The following GALNTL6 variants were observed in gnomAD, a reference collection of about 807,000 sequenced individuals.
GALNTL6 encodes polypeptide N-acetylgalactosaminyltransferase-like 6.
GALNTL6 carries 46 observed loss-of-function variants against 73.7 expected under a neutral mutation model. That is an observed-to-expected ratio of 0.62 (90% CI 0.49 to 0.80). The LOEUF (loss-of-function observed/expected upper bound fraction) is 0.80, where lower values mean the gene tolerates loss of function less well. Ranked by LOEUF, GALNTL6 falls within the 30% of genes least tolerant of loss-of-function variation. GALNTL6 has a pLI of 0.00. For synonymous variants in GALNTL6, 259 were observed against 263.7 expected, an observed-to-expected ratio of 0.98 and a Z score of 0.17; for missense variants, 604 against 755.0, an observed-to-expected ratio of 0.80 and a Z score of 2.34.
chr4:172,019,532 C>G (rs1741331160), intron 2 of GALNTL6, among the ~76,000 whole-genome samples: 1 of 151,974 alleles, frequency 6.6e-6, no homozygotes, highest in Admixed American at 6.6e-5. Flanking sequence ...TTATATGAGA[C>G]AAAATATATT....
At chr4:171,982,555 C>T (rs911795980) in intron 2 of GALNTL6, among the ~76,000 whole-genome samples, 7 of 152,126 alleles carry the variant, frequency 4.6e-5, no homozygotes, top group Non-Finnish European at 8.8e-5. Context: ...GCCTCAGCCT[C>T]CCAAAGTGCT....
chr4:172,543,975 G>C (rs957212343), intron 5 of GALNTL6, among the ~76,000 whole-genome samples: 2 of 152,108 alleles, frequency 1.3e-5, no homozygotes, highest in Non-Finnish European at 2.9e-5. Context: ...CCTTCCCTTT[G>C]ATATCATTTG....
intron 4 of GALNTL6, among the ~76,000 whole-genome samples, chr4:172,342,313 C>T (rs1561035766): frequency 6.6e-6 from 1 of 152,048 alleles, no homozygotes; most frequent in Non-Finnish European, 1.5e-5. Context: ...GATAGAATGA[C>T]ATTTCCAAAA....
At chr4:172,377,013 A>G (rs961849215) in intron 5 of GALNTL6, among the ~76,000 whole-genome samples, 1 of 152,142 alleles carries the variant, frequency 6.6e-6, no homozygotes, top group African/African-American at 2.4e-5. Context: ...AGCAGCAGCA[A>G]GATTTATTGT....
chr4:171,991,788 A>G lies in GALNTL6; in HGVS notation c.138+177070A>G, dbSNP rs1217236692. On this transcript the variant is annotated intron_variant, in intron 2 of 12. Transcript: ENST00000506823. ...TATATACATATATATATGATTATGT[A>G]TATTACATATTTGAGCAAAATTTGC... Among the ~76,000 whole-genome samples, 5 of 148,804 alleles carry G rather than the reference A, an allele frequency of 3.4e-5. No homozygotes were observed. In the East Asian group the frequency reaches 5.8e-4, roughly 17 times the overall value.
chr4:172,462,973 T>A (rs1467991041), intron 5 of GALNTL6, among the ~76,000 whole-genome samples: 1 of 152,176 alleles, frequency 6.6e-6, no homozygotes, highest in Non-Finnish European at 1.5e-5. Flanking sequence ...CTGTGTCATA[T>A]CCACAAAATA....
At chr4:172,770,931 G>A (rs142147426) in intron 5 of GALNTL6, among the ~76,000 whole-genome samples, 36 of 152,238 alleles carry the variant, frequency 2.4e-4, no homozygotes, top group Admixed American at 2.2e-3. Flanking sequence ...AGCTAAAAAG[G>A]CTTTAAATGA....
intron 2 of GALNTL6, among the ~76,000 whole-genome samples, chr4:171,988,700 C>T (rs1055302931): frequency 6.6e-6 from 1 of 152,126 alleles, no homozygotes; most frequent in African/African-American, 2.4e-5. Flanking sequence ...AGTGTATAGG[C>T]TTTAAAAGGC....
At chr4:172,368,793 C>T (rs140069322) in intron 5 of GALNTL6, among the ~76,000 whole-genome samples, 102 of 152,316 alleles carry the variant, frequency 6.7e-4, no homozygotes, top group African/African-American at 2.4e-3. Context: ...CGGACCCTTG[C>T]GGTGAGTGTT....
At chr4:172,303,192 G>A (rs1269018623) in intron 3 of GALNTL6, among the ~76,000 whole-genome samples, 2 of 152,030 alleles carry the variant, frequency 1.3e-5, no homozygotes, top group African/African-American at 4.8e-5. Context: ...TAGAGATGGG[G>A]TTTCACCATC....
At chr4:172,206,974 C>T (rs953106601) in intron 2 of GALNTL6, among the ~76,000 whole-genome samples, 5 of 151,402 alleles carry the variant, frequency 3.3e-5, no homozygotes, top group South Asian at 4.2e-4. Context: ...CCCACCACCA[C>T]GCCCGGCTAG....
chr4:172,313,276 C>T (rs749000482), intron 4 of GALNTL6, among the ~76,000 whole-genome samples: 22 of 151,958 alleles, frequency 1.4e-4, no homozygotes, highest in Non-Finnish European at 2.8e-4. Flanking sequence ...CAGGCGCCTG[C>T]CACCATGCCG....
chr4:171,877,443 G>A (rs1736310505), intron 2 of GALNTL6, among the ~76,000 whole-genome samples: 1 of 152,184 alleles, frequency 6.6e-6, no homozygotes, highest in South Asian at 2.1e-4. Context: ...TTCAGAGGGT[G>A]TCAAGCATGA....
At position 172,577,060 on chromosome 4, in the gene GALNTL6, G is replaced by T. The variant is rs551129339; in HGVS notation, c.553+228371G>T. Reference sequence around the variant, plus strand: ...GTGGCTGGAAAGAAGGACAGAACCAGAGAGCCCATGACCATAGGGAGCCTT... The same window carrying T: ...GTGGCTGGAAAGAAGGACAGAACCATAGAGCCCATGACCATAGGGAGCCTT... On this transcript the variant is annotated intron_variant, in intron 5 of 12. Transcript: ENST00000506823. Among the ~76,000 whole-genome samples, 5 of 152,296 alleles carry T rather than the reference G, an allele frequency of 3.3e-5. No individual in the cohort carries two copies. The East Asian group carries it at 9.7e-4, about 30-fold the overall frequency.
chr4:172,133,781 C>A (rs545337345), intron 2 of GALNTL6, among the ~76,000 whole-genome samples: 7 of 152,224 alleles, frequency 4.6e-5, no homozygotes, highest in African/African-American at 1.7e-4. Context: ...AAAGGCATGG[C>A]ATATAATAAA....
Position 172,987,016 on chromosome 4 carries a change from C to T in GALNTL6, c.1372-22162C>T, listed in dbSNP as rs73002091. Among the ~76,000 whole-genome samples, 865 of 152,086 alleles carry T rather than the reference C, an allele frequency of 5.7e-3. 8 individuals carry two copies. The highest frequency in any genetic ancestry group is 0.018 in the African/African-American group (735 of 41,502). The stretch of plus-strand genomic sequence containing the variant: ...TTTTAATTAAAAACAATGAACAAGA[C>T]CAAAATCTAACAACAATTATACTAT... On this transcript the variant is annotated intron_variant, in intron 10 of 12. Coordinates refer to ENST00000506823, the MANE Select transcript of GALNTL6 (RefSeq NM_001034845.3).
rs146740228 is a variant in GALNTL6 at position 171,869,086 on chromosome 4, G to A, written c.138+54368G>A. ...ATAACAGGGTAGTAGAAAAATCTCA[G>A]GAGAAATCCAATTACCTCAGTTGGT... is the stretch of plus-strand genomic sequence containing the variant. On this transcript the variant is annotated intron_variant, in intron 2 of 12. Coordinates refer to ENST00000506823, the MANE Select transcript of GALNTL6 (RefSeq NM_001034845.3). Among the ~76,000 whole-genome samples the A allele has an allele frequency of 4.6e-5, 7 of 152,268 alleles. No individual in the cohort carries two copies. In the East Asian group the frequency reaches 1.4e-3, roughly 29 times the overall value.
chr4:172,603,203 A>T (rs1738134192), intron 5 of GALNTL6, among the ~76,000 whole-genome samples: 1 of 152,232 alleles, frequency 6.6e-6, no homozygotes, highest in African/African-American at 2.4e-5. Context: ...GGAACAATTC[A>T]TCGTATGCAA....
intron 2 of GALNTL6, among the ~76,000 whole-genome samples, chr4:171,828,659 G>A (rs190263819): frequency 5.3e-5 from 8 of 152,012 alleles, no homozygotes; most frequent in South Asian, 2.1e-4. Flanking sequence ...TCCCTCCATC[G>A]CCCAGGCTGG....
Sources: allele counts gnomAD v4.1 joint callset (sites outside exome capture counted in the v4.1 genomes callset), GRCh38; gene constraint gnomAD v4.1.1; transcripts MANE v1.5; gene names NCBI Gene and HGNC (gene_info 2026-07-23, HGNC 2026-07-21).